The following HMCN1 variants were observed in gnomAD, a reference collection of about 807,000 sequenced individuals.
HMCN1 encodes the protein hemicentin 1.
In HMCN1, 321 loss-of-function variants were observed where a neutral mutation model predicts 625.9. The observed-to-expected ratio is 0.51, with a 90% CI of 0.47 to 0.56. The LOEUF (loss-of-function observed/expected upper bound fraction) is 0.56, where lower values mean the gene tolerates loss of function less well. Ranked by LOEUF, HMCN1 falls within the 20% of genes least tolerant of loss-of-function variation. The probability of loss-of-function intolerance (pLI) is 0.00; values close to 1 mark genes in which losing one functional copy is unlikely to be tolerated. For synonymous variants in HMCN1, 2,425 were observed against 2,417.6 expected, an observed-to-expected ratio of 1.00 and a Z score of -0.09; for missense variants, 6,588 against 6,887.3, an observed-to-expected ratio of 0.96 and a Z score of 1.54.
At chr1:186,029,008 AG>A (rs1655243333) in intron 36 of HMCN1, among the ~76,000 whole-genome samples, 1 of 152,200 alleles carries the variant, frequency 6.6e-6, no homozygotes, top group East Asian at 1.9e-4. Context: ...CTGGGATTAC[AG>A]GGGCGAGCCA....
intron 41 of HMCN1, among the ~76,000 whole-genome samples, chr1:186,048,145 C>T (rs1374479375): frequency 1.3e-5 from 2 of 152,076 alleles, no homozygotes; most frequent in African/African-American, 4.8e-5. Context: ...ATATCTCCTA[C>T]CTACACTACC....
intron 1 of HMCN1, among the ~76,000 whole-genome samples, chr1:185,796,858 C>G (rs773080203): frequency 6.6e-6 from 1 of 152,102 alleles, no homozygotes; most frequent in Admixed American, 6.5e-5. Flanking sequence ...TGGGAAGGTA[C>G]GCAGAAGTGG....
chr1:186,155,023 A>T (rs541546886), intron 97 of HMCN1, among the ~76,000 whole-genome samples: 1 of 152,302 alleles, frequency 6.6e-6, no homozygotes, highest in South Asian at 2.1e-4. Context: ...AGTTCACTTA[A>T]AAGGATTCAC....
chr1:186,016,638 A>G (rs1185151249), intron 32 of HMCN1, among the ~76,000 whole-genome samples: 1 of 152,090 alleles, frequency 6.6e-6, no homozygotes, highest in East Asian at 1.9e-4. Flanking sequence ...AGGCTTTTGA[A>G]TAGATGCCCA....
chr1:185,783,406 G>C (rs1048507782), intron 1 of HMCN1, among the ~76,000 whole-genome samples: 1 of 152,168 alleles, frequency 6.6e-6, no homozygotes. Flanking sequence ...CGTTTCTTTG[G>C]AGGGGGAGAG....
chr1:185,848,895 A>G (rs1661997748), intron 2 of HMCN1, among the ~76,000 whole-genome samples: 1 of 152,100 alleles, frequency 6.6e-6, no homozygotes, highest in Non-Finnish European at 1.5e-5. Context: ...CCCAATTACC[A>G]TATCTTTAGT....
At chr1:185,779,595 A>G (rs1439520893) in intron 1 of HMCN1, among the ~76,000 whole-genome samples, 1 of 152,222 alleles carries the variant, frequency 6.6e-6, no homozygotes, top group Non-Finnish European at 1.5e-5. Flanking sequence ...ACCATTTATT[A>G]AATAGAGAAT....
rs146604797 is a variant in HMCN1, at chr1:186,138,023, C to T, written c.13924+51C>T. 3.6e-3 allele frequency: 5,684 copies of T among 1,584,666 alleles called. 93 individuals carry two copies. The highest frequency in any genetic ancestry group is 0.03 in the African/African-American group (2,213 of 74,266). ...ATAAACAAAACTTTTCTATCTTAAC[C>T]CCTATGAAAGAATTACATTTGCCTT... On this transcript the variant is annotated intron_variant, in intron 89 of 106. Coordinates refer to ENST00000271588, the MANE Select transcript of HMCN1 (RefSeq NM_031935.3).
chr1:185,868,601 TC>T (rs1663420244), intron 4 of HMCN1, among the ~76,000 whole-genome samples: 1 of 152,164 alleles, frequency 6.6e-6, no homozygotes, highest in South Asian at 2.1e-4. Flanking sequence ...TTATAAGTTT[TC>T]TGAGGCCTCC....
chr1:186,046,894 C>G (rs986922491), intron 41 of HMCN1, among the ~76,000 whole-genome samples: 6 of 152,102 alleles, frequency 3.9e-5, no homozygotes, highest in Admixed American at 1.3e-4. Flanking sequence ...AATAACCCAA[C>G]AGAGAAATCA....
chr1:185,876,975 C>A (rs1222820905), intron 4 of HMCN1, among the ~76,000 whole-genome samples: 2 of 151,924 alleles, frequency 1.3e-5, no homozygotes, highest in East Asian at 1.9e-4. Context: ...GTCATAAATT[C>A]TTTGCCTAGA....
At chr1:185,781,722 A>G (rs375059542) in intron 1 of HMCN1, among the ~76,000 whole-genome samples, 1 of 152,168 alleles carries the variant, frequency 6.6e-6, no homozygotes, top group African/African-American at 2.4e-5. Flanking sequence ...ACAGTTTATT[A>G]TACTTTCCGT....
At chr1:186,063,388 A>C (rs1192108991) in intron 48 of HMCN1, among the ~76,000 whole-genome samples, 1 of 144,558 alleles carries the variant, frequency 6.9e-6, no homozygotes, top group East Asian at 2.3e-4. Context: ...CAAAAAGAAA[A>C]GAAGGGAAGA....
intron 16 of HMCN1, among the ~76,000 whole-genome samples, chr1:185,980,134 CACAT>C (rs1468253129): frequency 2.0e-5 from 3 of 152,064 alleles, no homozygotes; most frequent in Admixed American, 6.6e-5. Flanking sequence ...TAATGTCTAA[CACAT>C]ACAAATGAAA....
rs1342952734 is a variant in HMCN1, at chr1:186,086,261, T to C, written c.8900T>C (p.Ile2967Thr). ...ACTATTATAGTTCCTCCAAGTGTCA[T>C]TGGTCCTAAATCTGAAAATCTTACC... ...NLNVHVPPSV[I>T]GPKSENLTVV... The change falls in exon 58 of 107, where the codon ATT becomes ACT. Residue 2967 changes from isoleucine (I) to threonine (T), a missense_variant. By Grantham distance (89) the Ile-to-Thr change is moderately conservative. Around this residue, in one of 3 missense-constraint regions of HMCN1, gnomAD observed 4,628 missense variants for 4,853.1 expected, o/e 0.95. Coordinates refer to ENST00000271588, the MANE Select transcript of HMCN1 (RefSeq NM_031935.3). 1 of 1,612,144 alleles carries C rather than the reference T, an allele frequency of 6.2e-7. No homozygotes were observed. The highest frequency in any genetic ancestry group is 1.3e-5 in the African/African-American group (1 of 74,832).
intron 1 of HMCN1, among the ~76,000 whole-genome samples, chr1:185,819,369 C>G (rs1422366918): frequency 1.3e-5 from 2 of 152,080 alleles, no homozygotes; most frequent in Non-Finnish European, 2.9e-5. Flanking sequence ...ATTAAGTTTA[C>G]CAACCAAAAT....
At chr1:185,902,011 C>A (rs1665831354) in intron 4 of HMCN1, among the ~76,000 whole-genome samples, 1 of 151,630 alleles carries the variant, frequency 6.6e-6, no homozygotes, top group South Asian at 2.1e-4. Context: ...CAGATTAGAA[C>A]ATATGAACAT....
intron 22 of HMCN1, 79 bp downstream of exon 22, chr1:185,990,522 A>G: frequency 8.1e-7 from 1 of 1,232,928 alleles, no homozygotes; most frequent in Non-Finnish European, 1.2e-6. Flanking sequence ...TATTCAGGTT[A>G]TCAAACGTCT....
At chr1:186,018,989 C>A (rs1349247650) in intron 34 of HMCN1, among the ~76,000 whole-genome samples, 2 of 152,056 alleles carry the variant, frequency 1.3e-5, no homozygotes, top group Non-Finnish European at 2.9e-5. Flanking sequence ...TGAATGTCAA[C>A]TTTATTCTCC....
Sources: gnomAD v4.1 joint callset for allele counts (sites outside exome capture counted in the v4.1 genomes callset) on GRCh38, gnomAD v4.1.1 for gene constraint, gnomAD v4.1.1 regional missense constraint, MANE v1.5 for transcripts, NCBI Gene and HGNC (gene_info 2026-07-23, HGNC 2026-07-21) for gene names.